Variants in DPYD observed in about 807,000 individuals in gnomAD.
The protein encoded by DPYD is dihydropyrimidine dehydrogenase.
A neutral mutation model predicts 116.2 loss-of-function variants in DPYD; 109 were observed. The observed-to-expected ratio is 0.94, with a 90% CI of 0.80 to 1.10. The LOEUF is 1.10. DPYD is among the 50% of genes least tolerant of loss of function. DPYD has a pLI of 0.00. For missense variants in DPYD, 1,302 were observed against 1,254.5 expected, an observed-to-expected ratio of 1.04 and a Z score of -0.57; for synonymous variants, 440 against 432.0, an observed-to-expected ratio of 1.02 and a Z score of -0.23.
intron 13 of DPYD, among the ~76,000 whole-genome samples, chr1:97,451,248 G>A (rs1223190615): frequency 2.6e-5 from 4 of 152,026 alleles, no homozygotes; most frequent in Non-Finnish European, 4.4e-5. Flanking sequence ...AGATAGACAG[G>A]AAACCTTAAT....
intron 1 of DPYD, among the ~76,000 whole-genome samples, chr1:97,890,727 A>G (rs1261476851): frequency 6.6e-6 from 1 of 151,998 alleles, no homozygotes; most frequent in Non-Finnish European, 1.5e-5. Context: ...TTATTCTAAC[A>G]TTTAAAGCAA....
intron 3 of DPYD, among the ~76,000 whole-genome samples, chr1:97,765,691 A>G (rs2101140425): frequency 6.6e-6 from 1 of 152,326 alleles, no homozygotes; most frequent in Admixed American, 6.5e-5. Context: ...TAATACATGC[A>G]CGTTGTTCTA....
At chr1:97,656,634 T>C (rs1259814170) in intron 8 of DPYD, among the ~76,000 whole-genome samples, 1 of 152,124 alleles carries the variant, frequency 6.6e-6, no homozygotes, top group Non-Finnish European at 1.5e-5. Flanking sequence ...TTTTTCCTTC[T>C]GGGCTTATGA....
intron 1 of DPYD, among the ~76,000 whole-genome samples, chr1:97,916,370 C>G (rs1241062298): frequency 6.6e-6 from 1 of 152,086 alleles, no homozygotes; most frequent in African/African-American, 2.4e-5. Flanking sequence ...TGATGTTCCC[C>G]TTCCTGTGTT....
In DPYD at chr1:97,369,995, C is replaced by T. The variant is rs114558377; in HGVS notation, c.2058+3566G>A. On this transcript the variant is annotated intron_variant, in intron 16 of 22. Transcript: ENST00000370192. ...GAAATGTTAGTGTTTTTAAAAACAGCAACATATTTTCTTTATCCACTGTAT... is the reference window on the plus strand; with the variant it reads ...GAAATGTTAGTGTTTTTAAAAACAGTAACATATTTTCTTTATCCACTGTAT... Among the ~76,000 whole-genome samples, 990 of 152,244 alleles carry T rather than the reference C, an allele frequency of 6.5e-3. 13 individuals are homozygous for T. The highest frequency in any genetic ancestry group is 0.022 in the African/African-American group (932 of 41,550).
chr1:97,185,746 A>T (rs537309298), intron 20 of DPYD, among the ~76,000 whole-genome samples: 1 of 152,294 alleles, frequency 6.6e-6, no homozygotes, highest in South Asian at 2.1e-4. Context: ...CATTTATGTG[A>T]ATGCTAAAAA....
At chr1:97,546,733 G>T in intron 12 of DPYD, 2 of 1,613,122 alleles carry the variant, frequency 1.2e-6, no homozygotes, top group East Asian at 4.5e-5. Context: ...GAAGTTTCCT[G>T]CACCAGGCAA....
intron 2 of DPYD, among the ~76,000 whole-genome samples, chr1:97,847,815 G>T (rs980825506): frequency 1.3e-5 from 2 of 152,014 alleles, no homozygotes; most frequent in Non-Finnish European, 2.9e-5. Context: ...TAAAAATAAG[G>T]TTAAACTTTT....
intron 12 of DPYD, among the ~76,000 whole-genome samples, chr1:97,524,246 A>G (rs182419354): frequency 2.1e-4 from 32 of 152,304 alleles, no homozygotes; most frequent in Non-Finnish European, 3.1e-4. Context: ...TTTGTATTTC[A>G]CATAAGAAAG....
chr1:97,732,400 G>A (rs1054771369), intron 4 of DPYD, among the ~76,000 whole-genome samples: 6 of 151,214 alleles, frequency 4.0e-5, no homozygotes, highest in African/African-American at 7.3e-5. Context: ...GCTTGAACCC[G>A]GGAGGAGGAG....
At chr1:97,207,997 T>C (rs1659762825) in intron 19 of DPYD, among the ~76,000 whole-genome samples, 3 of 152,170 alleles carry the variant, frequency 2.0e-5, no homozygotes, top group Admixed American at 2.0e-4. Context: ...ATTGCCATTG[T>C]AAATGATTTG....
chr1:97,668,810 G>T (rs1659705204), intron 8 of DPYD, among the ~76,000 whole-genome samples: 1 of 151,796 alleles, frequency 6.6e-6, no homozygotes, highest in Non-Finnish European at 1.5e-5. Flanking sequence ...AAATATAAAT[G>T]ATAAGGCTCA....
chr1:97,810,089 A>C (rs1215109786), intron 3 of DPYD, among the ~76,000 whole-genome samples: 2 of 151,938 alleles, frequency 1.3e-5, no homozygotes, highest in Non-Finnish European at 2.9e-5. Flanking sequence ...GATCAAGACC[A>C]TCCTGGCTAA....
chr1:97,218,661 A>T (rs1245590544), intron 19 of DPYD, among the ~76,000 whole-genome samples: 1 of 151,738 alleles, frequency 6.6e-6, no homozygotes, highest in African/African-American at 2.4e-5. Flanking sequence ...TTTCAAATCT[A>T]CTCCATAAGC....
intron 18 of DPYD, chr1:97,295,919 G>A (rs1407467014): frequency 1.5e-5 from 3 of 194,832 alleles, no homozygotes; most frequent in Non-Finnish European, 2.8e-5. Context: ...TATCCCACAA[G>A]TAAACTGATT....
At chr1:97,483,722 G>C (rs1054129642) in intron 13 of DPYD, among the ~76,000 whole-genome samples, 2 of 152,124 alleles carry the variant, frequency 1.3e-5, no homozygotes, top group Admixed American at 6.5e-5. Flanking sequence ...CCGTGAATGG[G>C]ATTAAGGCTC....
At chr1:97,420,947 CTGAAACTATTTAGTTGCTGCCTTCCCCCT>C (rs1674549777) in intron 14 of DPYD, among the ~76,000 whole-genome samples, 1 of 152,172 alleles carries the variant, frequency 6.6e-6, no homozygotes, top group Non-Finnish European at 1.5e-5. Flanking sequence ...ACATAGTTTT[CTGAAACTATTTAGTTGCTGCCTTCCCCCT>C]TGAGATTGTG....
At chr1:97,523,878 T>C (rs1448057326) in intron 12 of DPYD, among the ~76,000 whole-genome samples, 1 of 152,130 alleles carries the variant, frequency 6.6e-6, no homozygotes, top group African/African-American at 2.4e-5. Flanking sequence ...AGTGTTTTAG[T>C]TTTGCAAGGT....
At chr1:97,707,174 C>G (rs1054097901) in intron 5 of DPYD, among the ~76,000 whole-genome samples, 1 of 151,784 alleles carries the variant, frequency 6.6e-6, no homozygotes, top group African/African-American at 2.4e-5. Context: ...CATGAGGAGC[C>G]CTCCTCAATT....
Sources: allele counts gnomAD v4.1 joint callset (sites outside exome capture counted in the v4.1 genomes callset), GRCh38; gene constraint gnomAD v4.1.1; transcripts MANE v1.5; gene names NCBI Gene and HGNC (gene_info 2026-07-23, HGNC 2026-07-21).